Variants in TASP1 observed in about 807,000 individuals in gnomAD.
TASP1 encodes threonine aspartase 1.
In TASP1, 16 loss-of-function variants were observed where a neutral mutation model predicts 56.6. That is an observed-to-expected ratio of 0.28 (90% CI 0.19 to 0.43). The LOEUF (loss-of-function observed/expected upper bound fraction) is 0.43. Ranked by LOEUF, TASP1 falls within the 20% of genes least tolerant of loss-of-function variation. TASP1 has a pLI of 1.00. For synonymous variants in TASP1, 179 were observed against 184.2 expected (o/e 0.97, Z 0.23); for missense variants, 393 against 511.6 (o/e 0.77, Z 2.24).
the TASP1 span, among the ~76,000 whole-genome samples, chr20:13,256,265 G>A: frequency 1.6e-4 from 25 of 151,944 alleles, 1 homozygote; most frequent in African/African-American, 4.8e-4. Context: ...GCGTGGTGGC[G>A]GGTGCCTGTA....
intron 8 of TASP1, among the ~76,000 whole-genome samples, chr20:13,551,479 A>AC (rs1177301372): frequency 1.3e-5 from 2 of 152,192 alleles, no homozygotes; most frequent in Admixed American, 1.3e-4. Flanking sequence ...AGGAAAAAAA[A>AC]GGCTTGAAAC....
At chr20:13,489,468 G>C (rs1329371435) in intron 10 of TASP1, among the ~76,000 whole-genome samples, 1 of 151,986 alleles carries the variant, frequency 6.6e-6, no homozygotes, top group Non-Finnish European at 1.5e-5. Flanking sequence ...CATGACTGAG[G>C]GGTGACATGC....
At chr20:13,466,988 T>C (rs1403573753) in intron 11 of TASP1, among the ~76,000 whole-genome samples, 1 of 152,054 alleles carries the variant, frequency 6.6e-6, no homozygotes, top group Non-Finnish European at 1.5e-5. Flanking sequence ...AAAAGAAAAC[T>C]AAAAAATGTT....
chr20:13,348,442 A>G, the TASP1 span, among the ~76,000 whole-genome samples: 1 of 152,246 alleles, frequency 6.6e-6, no homozygotes, highest in Admixed American at 6.5e-5. Context: ...TGGAATGAAA[A>G]TAGTGACTAA....
chr20:13,193,919 T>C, the TASP1 span, among the ~76,000 whole-genome samples: 9 of 152,136 alleles, frequency 5.9e-5, no homozygotes, highest in Non-Finnish European at 1.2e-4. Context: ...TTACATCTTA[T>C]TGGCCAGAAC....
chr20:13,355,900 T>G, the TASP1 span, among the ~76,000 whole-genome samples: 1 of 152,328 alleles, frequency 6.6e-6, no homozygotes, highest in East Asian at 1.9e-4. Flanking sequence ...AAGAGTCCTA[T>G]GGAGATTTCA....
the TASP1 span, among the ~76,000 whole-genome samples, chr20:13,338,929 A>C: frequency 2.6e-5 from 4 of 152,166 alleles, no homozygotes; most frequent in Non-Finnish European, 5.9e-5. Flanking sequence ...ACACACATGC[A>C]CACACAAATA....
At chr20:13,245,741 T>C in the TASP1 span, among the ~76,000 whole-genome samples, 1 of 152,178 alleles carries the variant, frequency 6.6e-6, no homozygotes. Flanking sequence ...TAATACTTAG[T>C]TTCATCTTCT....
At chr20:13,622,071 A>G (rs2048735422) in intron 4 of TASP1, among the ~76,000 whole-genome samples, 1 of 152,190 alleles carries the variant, frequency 6.6e-6, no homozygotes, top group East Asian at 1.9e-4. Flanking sequence ...AAAACTTGTC[A>G]TTAATAGTTG....
chr20:13,572,789 A>G lies in TASP1; in HGVS notation c.489-3203T>C, dbSNP rs752666782. ...GGCAAATACGGTGATAGGAATTACA[A>G]TCTCATGGATGTACTCATGTGAATT... On this transcript the variant is annotated intron_variant, in intron 6 of 13. Transcript: ENST00000337743. Among the ~76,000 whole-genome samples, 8 of 152,026 alleles carry G rather than the reference A, an allele frequency of 5.3e-5. No homozygotes were observed. The East Asian group carries it at 5.8e-4, about 11-fold the overall frequency.
chr20:13,473,426 T>G (rs929903374), intron 11 of TASP1, among the ~76,000 whole-genome samples: 1 of 152,066 alleles, frequency 6.6e-6, no homozygotes, highest in African/African-American at 2.4e-5. Flanking sequence ...ACATGGCACA[T>G]GTATACATAT....
At chr20:13,466,760 A>G (rs1431243513) in intron 11 of TASP1, among the ~76,000 whole-genome samples, 2 of 152,166 alleles carry the variant, frequency 1.3e-5, no homozygotes, top group Admixed American at 1.3e-4. Context: ...TAATAATAAT[A>G]ATAAAGCCAC....
the TASP1 span, among the ~76,000 whole-genome samples, chr20:13,135,964 G>A: frequency 2.0e-5 from 3 of 152,268 alleles, no homozygotes; most frequent in East Asian, 1.9e-4. Flanking sequence ...CAGTAATGTC[G>A]GAAAGGGAAA....
the TASP1 span, among the ~76,000 whole-genome samples, chr20:13,289,348 GAC>G: frequency 6.6e-6 from 1 of 152,198 alleles, no homozygotes. Context: ...GCAGGAAAAA[GAC>G]AGCCCCACCG....
chr20:13,329,662 G>T, the TASP1 span, among the ~76,000 whole-genome samples: 1 of 151,920 alleles, frequency 6.6e-6, no homozygotes, highest in African/African-American at 2.4e-5. Flanking sequence ...AGTCCTAGGA[G>T]TTTATTCTTA....
intron 13 of TASP1, among the ~76,000 whole-genome samples, chr20:13,391,690 G>A (rs367749653): frequency 4.3e-4 from 65 of 152,092 alleles, no homozygotes; most frequent in African/African-American, 1.5e-3. Flanking sequence ...AGCTTAGGCC[G>A]GGCGTGGTGG....
At chr20:13,186,761 T>C in the TASP1 span, among the ~76,000 whole-genome samples, 1 of 152,204 alleles carries the variant, frequency 6.6e-6, no homozygotes, top group Admixed American at 6.5e-5. Context: ...AACAAAGTCA[T>C]ATTTCTAGCC....
intron 11 of TASP1, among the ~76,000 whole-genome samples, chr20:13,481,928 ATC>A (rs2043154131): frequency 6.6e-6 from 1 of 152,244 alleles, no homozygotes; most frequent in Admixed American, 6.5e-5. Context: ...ACTTGATATA[ATC>A]TCTTCTGTCC....
At chr20:13,153,396 T>G in the TASP1 span, among the ~76,000 whole-genome samples, 1 of 152,190 alleles carries the variant, frequency 6.6e-6, no homozygotes, top group Non-Finnish European at 1.5e-5. Context: ...TTTTTCTGGC[T>G]TGGGAAAGCA....
Sources: gnomAD v4.1 joint callset for allele counts (sites outside exome capture counted in the v4.1 genomes callset) on GRCh38, gnomAD v4.1.1 for gene constraint, MANE v1.5 for transcripts, NCBI Gene and HGNC (gene_info 2026-07-23, HGNC 2026-07-21) for gene names.